EBF1: variants seen among roughly 807,000 people sequenced by gnomAD.
EBF1 encodes the protein transcription factor COE1.
Under a neutral mutation model 68.4 loss-of-function variants are expected in EBF1, and 10 were observed. That is an observed-to-expected ratio of 0.15 (90% CI 0.09 to 0.25). The LOEUF (loss-of-function observed/expected upper bound fraction) is 0.25, where lower values mean the gene tolerates loss of function less well. Ranked by LOEUF, EBF1 falls within the 10% of genes least tolerant of loss-of-function variation. The pLI is 1.00. For synonymous variants in EBF1, 298 were observed against 299.8 expected, an observed-to-expected ratio of 0.99 and a Z score of 0.06; for missense variants, 509 against 794.4, an observed-to-expected ratio of 0.64 and a Z score of 4.32.
intron 6 of EBF1, among the ~76,000 whole-genome samples, chr5:158,862,928 C>A (rs1195858664): frequency 1.3e-5 from 2 of 152,094 alleles, no homozygotes. Flanking sequence ...TTCTACAGAC[C>A]CTGACTTTGA....
At chr5:158,974,673 A>G (rs1756365979) in intron 6 of EBF1, among the ~76,000 whole-genome samples, 9 of 152,218 alleles carry the variant, frequency 5.9e-5, no homozygotes, top group Admixed American at 5.9e-4. Flanking sequence ...AATGTTTTAA[A>G]ATGAAAACTA....
chr5:158,986,014 A>G (rs1296317570), intron 6 of EBF1: 4 of 152,474 alleles, frequency 2.6e-5, no homozygotes, highest in Non-Finnish European at 5.9e-5. Context: ...CACTTACCCC[A>G]GCAATGGCAC....
At chr5:158,712,654 C>A (rs1759663233) in intron 13 of EBF1, among the ~76,000 whole-genome samples, 1 of 152,128 alleles carries the variant, frequency 6.6e-6, no homozygotes, top group Non-Finnish European at 1.5e-5. Flanking sequence ...GGTTCCTATT[C>A]CCTGGGCAAG....
At chr5:158,925,488 T>C (rs1227636698) in intron 6 of EBF1, among the ~76,000 whole-genome samples, 1 of 152,234 alleles carries the variant, frequency 6.6e-6, no homozygotes, top group East Asian at 1.9e-4. Context: ...CATGGAGAAG[T>C]GATAAGTGTA....
In EBF1 at chr5:158,968,810, A is replaced by G. The variant is rs368365722; in HGVS notation, c.554+104586T>C. On this transcript the variant is annotated intron_variant, in intron 6 of 15. Coordinates refer to ENST00000313708, the MANE Select transcript of EBF1 (RefSeq NM_024007.5). ...ACTAATAGCTATGTATTCCAAGTAAAATTTACAATGAGAAAATATGCATTG... is the reference window on the plus strand; with the variant it reads ...ACTAATAGCTATGTATTCCAAGTAAGATTTACAATGAGAAAATATGCATTG... Among the ~76,000 whole-genome samples, 331 of 152,294 alleles carry G rather than the reference A, an allele frequency of 2.2e-3. 2 individuals are homozygous for G. Among genetic ancestry groups the G allele is most frequent in the African/African-American group, 7.5e-3 (310 of 41,566 alleles).
intron 8 of EBF1, among the ~76,000 whole-genome samples, chr5:158,822,535 A>G (rs949254667): frequency 1.3e-5 from 2 of 152,204 alleles, no homozygotes; most frequent in South Asian, 4.1e-4. Context: ...AATTCTCAAG[A>G]CAAATGGGAT....
chr5:159,038,515 T>A (rs968999696), intron 6 of EBF1, among the ~76,000 whole-genome samples: 8 of 150,860 alleles, frequency 5.3e-5, no homozygotes, highest in Admixed American at 1.3e-4. Flanking sequence ...AGGAGGAGAG[T>A]ATGGGGGTGA....
intron 6 of EBF1, among the ~76,000 whole-genome samples, chr5:158,889,761 T>C (rs1229157247): frequency 2.6e-5 from 4 of 152,198 alleles, no homozygotes; most frequent in Admixed American, 2.0e-4. Flanking sequence ...AACATCTAGG[T>C]CTTCTCTACT....
At chr5:158,760,787 G>T (rs1275177188) in intron 10 of EBF1, among the ~76,000 whole-genome samples, 1 of 152,062 alleles carries the variant, frequency 6.6e-6, no homozygotes, top group Non-Finnish European at 1.5e-5. Flanking sequence ...TATTATAGAT[G>T]AGTTGTGTTA....
intron 10 of EBF1, among the ~76,000 whole-genome samples, chr5:158,770,959 G>A (rs1773750754): frequency 6.6e-6 from 1 of 152,132 alleles, no homozygotes; most frequent in South Asian, 2.1e-4. Context: ...GCTTAACACT[G>A]TTTCAGGACT....
At chr5:158,760,931 T>TTTTTTG (rs935112593) in intron 10 of EBF1, among the ~76,000 whole-genome samples, 3 of 152,196 alleles carry the variant, frequency 2.0e-5, no homozygotes, top group Non-Finnish European at 4.4e-5. Flanking sequence ...TACTGACATG[T>TTTTTTG]TTTTTGTTTT....
chr5:158,844,941 T>C (rs1791136587), intron 6 of EBF1, among the ~76,000 whole-genome samples: 1 of 152,224 alleles, frequency 6.6e-6, no homozygotes, highest in African/African-American at 2.4e-5. Context: ...TAGTATCTAG[T>C]TTGAGTAGCT....
At chr5:158,843,474 C>T (rs1582465413) in intron 6 of EBF1, among the ~76,000 whole-genome samples, 1 of 152,336 alleles carries the variant, frequency 6.6e-6, no homozygotes, top group East Asian at 1.9e-4. Flanking sequence ...CGGGCACACA[C>T]CAGATCCCTG....
intron 6 of EBF1, among the ~76,000 whole-genome samples, chr5:159,026,451 C>G (rs923905311): frequency 5.3e-5 from 8 of 152,040 alleles, no homozygotes. Flanking sequence ...GCTAACAAAC[C>G]AAGCAAACAT....
intron 2 of EBF1, 109 bp from the exon 3 acceptor site, chr5:159,096,515 G>T: frequency 8.1e-7 from 1 of 1,237,918 alleles, no homozygotes; most frequent in Non-Finnish European, 1.2e-6. Flanking sequence ...CCCCGCTGGC[G>T]AGCCAGGCAG....
chr5:158,939,176 G>A (rs1812718018), intron 6 of EBF1, among the ~76,000 whole-genome samples: 1 of 152,074 alleles, frequency 6.6e-6, no homozygotes. Flanking sequence ...TGTACCTCAG[G>A]GCTTATTATG....
chr5:158,982,554 T>C (rs1758100158), intron 6 of EBF1, among the ~76,000 whole-genome samples: 1 of 152,238 alleles, frequency 6.6e-6, no homozygotes, highest in Non-Finnish European at 1.5e-5. Context: ...ACCTTGAAGA[T>C]ACTTGATAAA....
intron 6 of EBF1, among the ~76,000 whole-genome samples, chr5:159,056,643 T>C (rs1178234655): frequency 6.6e-6 from 1 of 152,214 alleles, no homozygotes; most frequent in Non-Finnish European, 1.5e-5. Context: ...TGTACTTTTT[T>C]CCCCTTTCAC....
intron 6 of EBF1, among the ~76,000 whole-genome samples, chr5:158,914,601 A>G (rs1420802745): frequency 6.6e-6 from 1 of 152,170 alleles, no homozygotes; most frequent in Non-Finnish European, 1.5e-5. Flanking sequence ...GCCTACATTT[A>G]AGAAAAAGAA....
Sources: allele counts gnomAD v4.1 joint callset (sites outside exome capture counted in the v4.1 genomes callset), GRCh38; gene constraint gnomAD v4.1.1; transcripts MANE v1.5; gene names NCBI Gene and HGNC (gene_info 2026-07-23, HGNC 2026-07-21).